The following DNAAF4 variants were observed in gnomAD, a reference collection of about 807,000 sequenced individuals.
DNAAF4 encodes dynein axonemal assembly factor 4, also known as dynein assembly factor 4, axonemal.
A neutral mutation model predicts 51.8 loss-of-function variants in DNAAF4; 43 were observed. The ratio of observed to expected loss-of-function variants is 0.83; its 90% CI spans 0.65 to 1.07. The LOEUF (loss-of-function observed/expected upper bound fraction) is 1.07, where lower values mean the gene tolerates loss of function less well. DNAAF4 is among the 50% of genes least tolerant of loss of function. The pLI is 0.00. For missense variants in DNAAF4, 581 were observed against 493.0 expected (o/e 1.18, Z -1.69); for synonymous variants, 194 against 165.6 (o/e 1.17, Z -1.32).
intron 5 of DNAAF4, among the ~76,000 whole-genome samples, chr15:55,453,283 T>A (rs1206188499): frequency 6.6e-6 from 1 of 152,174 alleles, no homozygotes; most frequent in Non-Finnish European, 1.5e-5. Context: ...TCCTCATACA[T>A]ACACACTAAG....
Position 55,497,750 on chromosome 15 carries a change from T to G in DNAAF4, c.233A>C (p.Lys78Thr). 6.2e-7 allele frequency: 1 copy of G among 1,613,754 alleles called. No homozygotes were observed. Among genetic ancestry groups the G allele is most frequent in the East Asian group, 2.2e-5 (1 of 44,874 alleles). Residue 78 changes from lysine to threonine, a missense_variant, in exon 3 of 10, where the codon AAA (lysine) becomes ACA (threonine). Physicochemically the swap from Lys to Thr is moderately conservative, Grantham distance 78. Coordinates refer to ENST00000321149, the MANE Select transcript of DNAAF4 (RefSeq NM_130810.4). The stretch of plus-strand genomic sequence containing the variant: ...AAGGGTCTCCCACATGGCCGCTTCT[T>G]TTTTATACAAGGTGAAGACAATGGT... Reference protein sequence around the residue: ...NDTIVFTLYKKEAAMWETLSV... With the variant: ...NDTIVFTLYKTEAAMWETLSV...
At chr15:55,465,721 C>T (rs1021468082) in intron 5 of DNAAF4, among the ~76,000 whole-genome samples, 2 of 152,016 alleles carry the variant, frequency 1.3e-5, no homozygotes, top group African/African-American at 4.8e-5. Flanking sequence ...TATGTGCCAC[C>T]ACACCTGGTT....
chr15:55,444,793 T>A (rs1275503333), intron 6 of DNAAF4, among the ~76,000 whole-genome samples: 2 of 152,100 alleles, frequency 1.3e-5, no homozygotes, highest in East Asian at 1.9e-4. Context: ...TACGTATTTT[T>A]TTCTCTTTGA....
At chr15:55,418,555 T>G (rs1446305820) in intron 7 of DNAAF4, 1 of 1,463,898 alleles carries the variant, frequency 6.8e-7, no homozygotes, top group Non-Finnish European at 9.2e-7. Flanking sequence ...TTCCTAATAT[T>G]CAACACACTC....
At chr15:55,486,097 C>G (rs1012997397) in intron 4 of DNAAF4, among the ~76,000 whole-genome samples, 1 of 151,568 alleles carries the variant, frequency 6.6e-6, no homozygotes, top group African/African-American at 2.4e-5. Context: ...CAAGCTTCCA[C>G]TAATCACCTC....
chr15:55,456,199 G>C (rs930151248), intron 5 of DNAAF4, among the ~76,000 whole-genome samples: 4 of 151,172 alleles, frequency 2.6e-5, no homozygotes, highest in African/African-American at 9.7e-5. Flanking sequence ...TCCTGCCTCA[G>C]TGCCTCCCGA....
At chr15:55,499,438 C>T (rs2058681455) in intron 1 of DNAAF4, among the ~76,000 whole-genome samples, 1 of 152,180 alleles carries the variant, frequency 6.6e-6, no homozygotes, top group Non-Finnish European at 1.5e-5. Context: ...AAAACCCAAA[C>T]CCTCCCTTTG....
chr15:55,433,975 A>C (rs2057560650), intron 8 of DNAAF4, among the ~76,000 whole-genome samples: 1 of 50,056 alleles, frequency 2.0e-5, no homozygotes, highest in Non-Finnish European at 3.2e-5. Flanking sequence ...TATATTTTAT[A>C]TATTATATAT....
intron 7 of DNAAF4, among the ~76,000 whole-genome samples, chr15:55,424,421 G>C (rs986665094): frequency 6.6e-6 from 1 of 152,136 alleles, no homozygotes; most frequent in Non-Finnish European, 1.5e-5. Flanking sequence ...ATGAAGTAAG[G>C]CACCTACTTT....
In DNAAF4 at chr15:55,495,863, A is replaced by G. The variant is rs139973295; in HGVS notation, c.271+1849T>C. On this transcript the variant is annotated intron_variant, in intron 3 of 9. Transcript: ENST00000321149. ...GTAGAGGACAATTACTGACTATGGA[A>G]GCTGATCTTGGTATTAGTACAAAGC... 1.4e-3 allele frequency among the ~76,000 whole-genome samples: 213 copies of G among 152,360 alleles called. 2 individuals are homozygous for G. Among genetic ancestry groups the G allele is most frequent in the African/African-American group, 4.9e-3 (204 of 41,598 alleles).
chr15:55,421,899 TATAATAATA>T (rs72198850), intron 7 of DNAAF4, among the ~76,000 whole-genome samples: 18,763 of 139,500 alleles, frequency 0.13, 2,001 homozygotes, highest in African/African-American at 0.29. Context: ...CAAAAAAATG[TATAATAATA>T]ATAATAATAA....
chr15:55,449,994 C>T lies in DNAAF4; in HGVS notation c.783+228G>A, dbSNP rs575889945. On this transcript the variant is annotated intron_variant, in intron 6 of 9. Transcript: ENST00000321149. The stretch of plus-strand genomic sequence containing the variant: ...GATTGCAGGCATGAGCCACTGCGCC[C>T]GGCCTACTGTACATATATTAAGTCG... Among the ~76,000 whole-genome samples the T allele has an allele frequency of 1.1e-4, 17 of 152,084 alleles. No homozygotes were observed. The East Asian group carries it at 3.1e-3, about 28-fold the overall frequency.
At chr15:55,493,417 C>T (rs553926334) in intron 3 of DNAAF4, among the ~76,000 whole-genome samples, 1 of 152,276 alleles carries the variant, frequency 6.6e-6, no homozygotes, top group South Asian at 2.1e-4. Context: ...GAAGTTAGGT[C>T]TGAAGCCTCT....
chr15:55,419,397 T>TGG (rs949081552), intron 7 of DNAAF4, among the ~76,000 whole-genome samples: 161 of 150,056 alleles, frequency 1.1e-3, no homozygotes, highest in African/African-American at 1.6e-3. Context: ...AGCTAATTTG[T>TGG]GGGGTGTGTG....
chr15:55,454,308 A>G (rs1168159312), intron 5 of DNAAF4, among the ~76,000 whole-genome samples: 1 of 152,056 alleles, frequency 6.6e-6, no homozygotes, highest in African/African-American at 2.4e-5. Flanking sequence ...CTCAAAAAAA[A>G]AGAAAAACAT....
At chr15:55,433,786 A>ATT (rs1182844380) in intron 8 of DNAAF4, among the ~76,000 whole-genome samples, 3 of 105,480 alleles carry the variant, frequency 2.8e-5, no homozygotes, top group South Asian at 5.0e-4. Context: ...TTATAAAACA[A>ATT]ATATATATAT....
At chr15:55,465,375 G>A (rs1017600580) in intron 5 of DNAAF4, among the ~76,000 whole-genome samples, 3 of 134,548 alleles carry the variant, frequency 2.2e-5, no homozygotes, top group Admixed American at 8.0e-5. Context: ...AGAAGATAAA[G>A]AAAATATGGT....
At chr15:55,439,649 T>C in intron 6 of DNAAF4, 68 bp from the exon 7 acceptor site, 1 of 1,381,726 alleles carries the variant, frequency 7.2e-7, no homozygotes, top group Non-Finnish European at 1.0e-6. Context: ...CCTTTTAGAT[T>C]TTCCATCTTC....
At chr15:55,480,904 G>A (rs1204385575) in intron 4 of DNAAF4, among the ~76,000 whole-genome samples, 1 of 152,110 alleles carries the variant, frequency 6.6e-6, no homozygotes, top group Non-Finnish European at 1.5e-5. Context: ...ACGTGTCAAG[G>A]GTGGGACCAG....
Sources: gnomAD v4.1 joint callset for allele counts (sites outside exome capture counted in the v4.1 genomes callset) on GRCh38, gnomAD v4.1.1 for gene constraint, MANE v1.5 for transcripts, NCBI Gene and HGNC (gene_info 2026-07-23, HGNC 2026-07-21) for gene names.